ANKRD45: variants seen among roughly 807,000 people sequenced by gnomAD.
ANKRD45 encodes the protein ankyrin repeat domain-containing protein 45.
In ANKRD45, 21 loss-of-function variants were observed where a neutral mutation model predicts 28.1. That is an observed-to-expected ratio of 0.75 (90% confidence interval 0.53 to 1.08). The LOEUF (loss-of-function observed/expected upper bound fraction) is 1.08. Ranked by LOEUF, ANKRD45 falls within the 50% of genes least tolerant of loss-of-function variation. The pLI, the probability that ANKRD45 is intolerant of heterozygous loss-of-function variation, is 0.00. For missense variants in ANKRD45, 261 were observed against 308.7 expected (o/e 0.85, Z 1.16); for synonymous variants, 86 against 103.9 (o/e 0.83, Z 1.05).
At chr1:173,645,577 C>A (rs1558134168) in intron 3 of ANKRD45, among the ~76,000 whole-genome samples, 2 of 152,198 alleles carry the variant, frequency 1.3e-5, no homozygotes, top group African/African-American at 4.8e-5. Context: ...AATTTAAGCA[C>A]CTTGTCCAAG....
upstream of ANKRD45, among the ~76,000 whole-genome samples, chr1:173,674,610 G>A (rs1670350797): frequency 6.6e-6 from 1 of 152,114 alleles, no homozygotes; most frequent in Admixed American, 6.6e-5. Context: ...CTGGAAAGGT[G>A]GGACAACTCG....
chr1:173,690,062 G>GCCC, the ANKRD45 span, among the ~76,000 whole-genome samples: 12 of 52,820 alleles, frequency 2.3e-4, no homozygotes, highest in East Asian at 4.2e-3. Flanking sequence ...CCTGCCCCCC[G>GCCC]CCCCCCCCCC....
At chr1:173,679,153 A>G in the ANKRD45 span, among the ~76,000 whole-genome samples, 2 of 152,220 alleles carry the variant, frequency 1.3e-5, no homozygotes, top group Non-Finnish European at 2.9e-5. Context: ...TGCTATCCCC[A>G]TCAAGCTACC....
intron 5 of ANKRD45, among the ~76,000 whole-genome samples, 158 bp downstream of exon 5, chr1:173,624,629 A>G (rs1038850273): frequency 6.6e-6 from 1 of 152,240 alleles, no homozygotes; most frequent in South Asian, 2.1e-4. Context: ...AATATTGCAA[A>G]TAATGAAACT....
intron 2 of ANKRD45, among the ~76,000 whole-genome samples, chr1:173,649,706 T>A (rs868142246): frequency 7.2e-5 from 11 of 152,216 alleles, no homozygotes; most frequent in Middle Eastern, 3.2e-3. Flanking sequence ...TCTCAAGATA[T>A]TCTGTGATGT....
intron 3 of ANKRD45, among the ~76,000 whole-genome samples, chr1:173,628,313 C>T (rs114451932): frequency 0.027 from 4,117 of 151,940 alleles, 197 homozygotes; most frequent in African/African-American, 0.095. Flanking sequence ...AGTGGTGTAG[C>T]ACACCAAGCA....
rs187627435 is a variant in ANKRD45 at position 173,655,061 on chromosome 1, G to A, written c.328+4030C>T. ...TTCAAACATCCTTCTTTAGCTCAGAGAAGTTTGTTTTTACTGACCTTCTGA... is the reference window on the plus strand; with the variant it reads ...TTCAAACATCCTTCTTTAGCTCAGAAAAGTTTGTTTTTACTGACCTTCTGA... On this transcript the variant is annotated intron_variant, in intron 2 of 5. Transcript: ENST00000333279. 2.0e-3 allele frequency among the ~76,000 whole-genome samples: 304 copies of A among 152,302 alleles called. 2 individuals carry two copies. Among genetic ancestry groups the A allele is most frequent in the South Asian group, 2.1e-3 (10 of 4,826 alleles).
chr1:173,619,763 G>A (rs1667622384), intron 5 of ANKRD45, among the ~76,000 whole-genome samples: 1 of 151,262 alleles, frequency 6.6e-6, no homozygotes, highest in Admixed American at 6.6e-5. Flanking sequence ...AGGAGACGAA[G>A]TTTGCAGTAA....
chr1:173,709,905 T>C, the ANKRD45 span, among the ~76,000 whole-genome samples: 4 of 152,234 alleles, frequency 2.6e-5, no homozygotes, highest in Non-Finnish European at 2.9e-5. Context: ...GAGCTGGGAT[T>C]ATAGGCATAA....
chr1:173,671,762 G>A (rs2102408333), upstream of ANKRD45, among the ~76,000 whole-genome samples: 1 of 151,306 alleles, frequency 6.6e-6, no homozygotes, highest in East Asian at 1.9e-4. Context: ...TGCGCCTGTA[G>A]TCCCAGCTCC....
At chr1:173,651,308 T>C (rs1177397380) in intron 2 of ANKRD45, among the ~76,000 whole-genome samples, 2 of 152,234 alleles carry the variant, frequency 1.3e-5, no homozygotes, top group Non-Finnish European at 2.9e-5. Flanking sequence ...GGTTTCTACA[T>C]ATGGCTAGCC....
intron 3 of ANKRD45, among the ~76,000 whole-genome samples, chr1:173,631,295 C>T (rs753987414): frequency 2.0e-5 from 3 of 152,068 alleles, no homozygotes; most frequent in Non-Finnish European, 4.4e-5. Context: ...TATACATGCA[C>T]CCAACGCTGG....
chr1:173,713,729 C>A, the ANKRD45 span, among the ~76,000 whole-genome samples: 1 of 151,958 alleles, frequency 6.6e-6, no homozygotes, highest in African/African-American at 2.4e-5. Flanking sequence ...ATCTCCCATA[C>A]CCCTATGACT....
chr1:173,663,091 A>C lies in ANKRD45; in HGVS notation c.-15-3658T>G, dbSNP rs111390528. Among the ~76,000 whole-genome samples, 607 of 146,242 alleles carry C rather than the reference A, an allele frequency of 4.2e-3. 5 individuals are homozygous for C. The highest frequency in any genetic ancestry group is 0.014 in the African/African-American group (568 of 39,180). On this transcript the variant is annotated intron_variant, in intron 1 of 5. Coordinates refer to ENST00000333279, the MANE Select transcript of ANKRD45 (RefSeq NM_198493.3). Reference sequence around the variant, plus strand: ...CACACACACACACACACACACACACACCTTCTTTAAAGCACTCCTATCTCA... The same window carrying C: ...CACACACACACACACACACACACACCCCTTCTTTAAAGCACTCCTATCTCA...
At chr1:173,687,821 C>T in the ANKRD45 span, among the ~76,000 whole-genome samples, 20 of 151,976 alleles carry the variant, frequency 1.3e-4, no homozygotes, top group Admixed American at 1.2e-3. Flanking sequence ...TACTGAATAC[C>T]GATTGTGTCT....
intron 2 of ANKRD45, among the ~76,000 whole-genome samples, chr1:173,651,168 A>G (rs1669197599): frequency 2.0e-5 from 3 of 152,170 alleles, no homozygotes; most frequent in Admixed American, 2.0e-4. Context: ...GTCCTTGCCC[A>G]TGCCTATGTC....
chr1:173,635,188 C>T (rs958971402), intron 3 of ANKRD45: 2 of 186,222 alleles, frequency 1.1e-5, no homozygotes, highest in African/African-American at 4.7e-5. Context: ...AACACAACAA[C>T]AACAAAAAAG....
the ANKRD45 span, among the ~76,000 whole-genome samples, chr1:173,698,983 A>G: frequency 6.6e-6 from 1 of 152,172 alleles, no homozygotes; most frequent in Non-Finnish European, 1.5e-5. Flanking sequence ...AAAATGATAA[A>G]AAGGATATCA....
At chr1:173,642,770 C>G (rs967862545) in intron 3 of ANKRD45, among the ~76,000 whole-genome samples, 3 of 152,196 alleles carry the variant, frequency 2.0e-5, no homozygotes, top group African/African-American at 4.8e-5. Context: ...TTCTCCTCTG[C>G]CTTTGCCTCT....
Sources: gnomAD v4.1 joint callset for allele counts (sites outside exome capture counted in the v4.1 genomes callset) on GRCh38, gnomAD v4.1.1 for gene constraint, MANE v1.5 for transcripts, NCBI Gene and HGNC (gene_info 2026-07-23, HGNC 2026-07-21) for gene names.